The following ELAVL2 variants were observed in gnomAD, a reference collection of about 807,000 sequenced individuals.
The protein encoded by ELAVL2 is ELAV-like protein 2.
ELAVL2 carries 4 observed loss-of-function variants against 34.6 expected under a neutral mutation model. The ratio of observed to expected loss-of-function variants is 0.12; its 90% CI spans 0.06 to 0.26. ELAVL2 has a LOEUF of 0.26. Among genes scored for constraint, ELAVL2 ranks in the 10% least tolerant of loss-of-function variants. The pLI, the probability that ELAVL2 is intolerant of heterozygous loss-of-function variation, is 1.00. For synonymous variants in ELAVL2, 193 were observed against 154.8 expected (o/e 1.25, Z -1.83); for missense variants, 432 against 442.8 (o/e 0.98, Z 0.22).
intron 1 of ELAVL2, among the ~76,000 whole-genome samples, chr9:23,808,859 TAAC>T (rs1403048587): frequency 6.6e-6 from 1 of 152,086 alleles, no homozygotes; most frequent in Non-Finnish European, 1.5e-5. Flanking sequence ...ACCCAAAACT[TAAC>T]AAAGTCCCTG....
rs921930293 is a variant in ELAVL2 at position 23,691,297 on chromosome 9, C to A, written c.*1260G>T. 1 of 152,596 alleles carries A rather than the reference C, an allele frequency of 6.6e-6. No homozygotes were observed. The highest frequency in any genetic ancestry group is 1.5e-5 in the Non-Finnish European group (1 of 67,994). 9.5% of individuals were successfully genotyped at this position (152,596 alleles called of 1,614,324 possible). On this transcript the variant is annotated 3_prime_UTR_variant, in exon 7 of 7. Coordinates refer to ENST00000397312, the MANE Select transcript of ELAVL2 (RefSeq NM_004432.5). ...GCTGAAAGGTTCATAAACACAAGGT[C>A]TTATTTACATTACACAAAGCTCAGG... is the stretch of plus-strand genomic sequence containing the variant.
chr9:23,806,395 G>C (rs1049802829), intron 1 of ELAVL2, among the ~76,000 whole-genome samples: 1 of 152,088 alleles, frequency 6.6e-6, no homozygotes, highest in South Asian at 2.1e-4. Flanking sequence ...CAGCACTTTG[G>C]AAGTCCAAAG....
intron 1 of ELAVL2, among the ~76,000 whole-genome samples, chr9:23,820,288 A>T (rs185212193): frequency 1.3e-5 from 2 of 152,358 alleles, no homozygotes; most frequent in East Asian, 3.9e-4. Flanking sequence ...AGGCTGAGCT[A>T]AATTTTTATG....
chr9:23,704,525 C>G (rs945927192), intron 4 of ELAVL2, among the ~76,000 whole-genome samples: 1 of 152,130 alleles, frequency 6.6e-6, no homozygotes, highest in African/African-American at 2.4e-5. Flanking sequence ...GTGTAATCCT[C>G]CCTTGGAGAA....
At chr9:23,696,477 A>G (rs2035263089) in intron 5 of ELAVL2, among the ~76,000 whole-genome samples, 3 of 152,002 alleles carry the variant, frequency 2.0e-5, no homozygotes, top group Admixed American at 2.0e-4. Flanking sequence ...TATTTTATTT[A>G]TTTATTTTTG....
chr9:23,837,209 C>G, the ELAVL2 span, among the ~76,000 whole-genome samples: 1 of 152,164 alleles, frequency 6.6e-6, no homozygotes, highest in East Asian at 1.9e-4. Flanking sequence ...AAACCAGAGA[C>G]AAGAGCCTGT....
chr9:23,724,671 T>C (rs1449507294), intron 3 of ELAVL2, among the ~76,000 whole-genome samples: 1 of 152,190 alleles, frequency 6.6e-6, no homozygotes, highest in African/African-American at 2.4e-5. Context: ...AGAAGCATTT[T>C]ATTTAAATGT....
chr9:23,803,041 T>C (rs897600227), intron 1 of ELAVL2, among the ~76,000 whole-genome samples: 5 of 152,184 alleles, frequency 3.3e-5, no homozygotes, highest in African/African-American at 1.2e-4. Context: ...GAATTACTGG[T>C]CTAATTCACT....
intron 4 of ELAVL2, among the ~76,000 whole-genome samples, chr9:23,701,894 TTC>T (rs1368649285): frequency 2.6e-5 from 4 of 152,146 alleles, no homozygotes; most frequent in African/African-American, 2.4e-5. Flanking sequence ...TGTCCATGTT[TTC>T]TCTCTCTCCC....
chr9:23,776,486 G>A (rs1396069452), intron 1 of ELAVL2, among the ~76,000 whole-genome samples: 2 of 152,012 alleles, frequency 1.3e-5, no homozygotes, highest in African/African-American at 2.4e-5. Context: ...CCAAAAAGAG[G>A]AGTAAAGAAA....
At chr9:23,741,305 T>G (rs2049114024) in intron 2 of ELAVL2, among the ~76,000 whole-genome samples, 1 of 152,094 alleles carries the variant, frequency 6.6e-6, no homozygotes, top group Non-Finnish European at 1.5e-5. Flanking sequence ...GAAGCAAGAC[T>G]GGCCCATGTG....
chr9:23,842,377 C>T, the ELAVL2 span, among the ~76,000 whole-genome samples: 21 of 152,062 alleles, frequency 1.4e-4, no homozygotes, highest in African/African-American at 5.1e-4. Context: ...GACTGGAGAA[C>T]AGATAACTCA....
rs533965466 is a variant in ELAVL2 at position 23,713,222 on chromosome 9, A to G, written c.334-8151T>C. 3.3e-5 allele frequency among the ~76,000 whole-genome samples: 5 copies of G among 152,348 alleles called. No individual in the cohort carries two copies. In the South Asian group the frequency reaches 1.0e-3, roughly 32 times the overall value. ...ATACTGGTAAAGGCAAATGGGATAC[A>G]TGGTAAAGATATTCTTGAAATGCAA... On this transcript the variant is annotated intron_variant, in intron 3 of 6. Coordinates refer to ENST00000397312, the MANE Select transcript of ELAVL2 (RefSeq NM_004432.5).
At chr9:23,790,296 T>C (rs1466927908) in intron 1 of ELAVL2, among the ~76,000 whole-genome samples, 1 of 152,112 alleles carries the variant, frequency 6.6e-6, no homozygotes, top group Non-Finnish European at 1.5e-5. Flanking sequence ...AAATGCCTGG[T>C]TGGATGAAAG....
In ELAVL2 at chr9:23,799,687, T is replaced by C. The variant is rs1169415783; in HGVS notation, c.-16+26119A>G. Among the ~76,000 whole-genome samples the C allele has an allele frequency of 2.6e-5, 4 of 152,324 alleles. No homozygotes were observed. In the East Asian group the frequency reaches 7.7e-4, roughly 29 times the overall value. On this transcript the variant is annotated intron_variant, in intron 1 of 6. Transcript: ENST00000397312. ...ATGCAGGTCACCAGTGCATCTTCTATTGAGAGCCCCTAATTGCCTTACCAC... is the reference window on the plus strand; with the variant it reads ...ATGCAGGTCACCAGTGCATCTTCTACTGAGAGCCCCTAATTGCCTTACCAC...
chr9:23,844,341 T>G, the ELAVL2 span, among the ~76,000 whole-genome samples: 1 of 152,108 alleles, frequency 6.6e-6, no homozygotes, highest in Non-Finnish European at 1.5e-5. Context: ...AGTAAGCATG[T>G]AATGATGTCT....
intron 2 of ELAVL2, among the ~76,000 whole-genome samples, chr9:23,751,682 G>A (rs1439793904): frequency 6.6e-6 from 1 of 152,166 alleles, no homozygotes; most frequent in East Asian, 1.9e-4. Flanking sequence ...ATAAGCCGCA[G>A]TTGGTTTTTA....
intron 1 of ELAVL2, among the ~76,000 whole-genome samples, chr9:23,768,474 C>T (rs1345432925): frequency 6.7e-6 from 1 of 149,004 alleles, no homozygotes; most frequent in African/African-American, 2.5e-5. Context: ...TTTACAAATA[C>T]ATTTAAACTA....
At chr9:23,767,015 C>T (rs1300554554) in intron 1 of ELAVL2, among the ~76,000 whole-genome samples, 2 of 152,194 alleles carry the variant, frequency 1.3e-5, no homozygotes, top group East Asian at 1.9e-4. Context: ...ATTCAGACTG[C>T]TTTTCCTCCT....
Sources: allele counts gnomAD v4.1 joint callset (sites outside exome capture counted in the v4.1 genomes callset), GRCh38; gene constraint gnomAD v4.1.1; transcripts MANE v1.5; gene names NCBI Gene and HGNC (gene_info 2026-07-23, HGNC 2026-07-21).